The following TMC1 variants were observed in gnomAD, a reference collection of about 807,000 sequenced individuals.
TMC1 encodes transmembrane channel-like protein 1.
In TMC1, 84 loss-of-function variants were observed where a neutral mutation model predicts 105.8. The observed-to-expected ratio is 0.79, with a 90% CI of 0.67 to 0.95. The LOEUF (loss-of-function observed/expected upper bound fraction) is 0.95. Ranked by LOEUF, TMC1 falls within the 40% of genes least tolerant of loss-of-function variation. TMC1 has a pLI of 0.00. For missense variants in TMC1, 817 were observed against 914.1 expected (o/e 0.89, Z 1.37); for synonymous variants, 315 against 311.5 (o/e 1.01, Z -0.12).
intron 7 of TMC1, among the ~76,000 whole-genome samples, chr9:72,700,315 A>C (rs1269342869): frequency 6.6e-6 from 1 of 152,010 alleles, no homozygotes; most frequent in African/African-American, 2.4e-5. Context: ...CAGGAAGGCA[A>C]ACACTACTGC....
intron 2 of TMC1, among the ~76,000 whole-genome samples, chr9:72,601,677 C>A (rs935685749): frequency 1.8e-4 from 27 of 151,866 alleles, no homozygotes; most frequent in Admixed American, 9.8e-4. Flanking sequence ...ACCAAAAAAA[C>A]CAAAACAAAA....
At position 72,826,823 on chromosome 9, in the gene TMC1, C is replaced by T. The variant is rs141086229; in HGVS notation, c.2004-46C>T. The T allele has an allele frequency of 1.2e-3, 1,850 of 1,605,582 alleles. 33 individuals are homozygous for T. In the East Asian group the frequency reaches 0.037, roughly 33 times the overall value. ...TTTTCTTGCTTTAACCATGGTTTTT[C>T]CATATGTTCTTAATAAACTTATCTC... On this transcript the variant is annotated intron_variant, in intron 20 of 23. Transcript: ENST00000297784.
At chr9:72,694,829 A>G (rs1826522398) in intron 7 of TMC1, 115 bp downstream of exon 7, 5 of 947,608 alleles carry the variant, frequency 5.3e-6, no homozygotes, top group Non-Finnish European at 8.1e-6. Flanking sequence ...AGAGAGCCTT[A>G]ATCTGATGAT....
At chr9:72,628,373 C>T (rs1234689215) in intron 4 of TMC1, 2 of 200,552 alleles carry the variant, frequency 1.0e-5, no homozygotes, top group Non-Finnish European at 2.1e-5. Context: ...TTCCTGTGTT[C>T]ATCTGGTTGG....
At chr9:72,821,152 T>A in intron 20 of TMC1, 71 bp downstream of exon 20, 2 of 1,604,650 alleles carry the variant, frequency 1.2e-6, no homozygotes, top group Non-Finnish European at 1.7e-6. Context: ...GGTCATTCAT[T>A]GTATAAGCTA....
chr9:72,709,079 A>G (rs1235015032), intron 8 of TMC1, among the ~76,000 whole-genome samples: 3 of 152,028 alleles, frequency 2.0e-5, no homozygotes, highest in African/African-American at 7.2e-5. Context: ...ACCCCCATGC[A>G]GAGGGAGGGG....
At chr9:72,682,321 C>T (rs931249895) in intron 5 of TMC1, among the ~76,000 whole-genome samples, 2 of 152,156 alleles carry the variant, frequency 1.3e-5, no homozygotes, top group African/African-American at 2.4e-5. Flanking sequence ...ATCTTATCCC[C>T]AGATACTTTG....
chr9:72,700,666 T>C (rs1246221956), intron 8 of TMC1, 23 bp downstream of exon 8: 5 of 1,546,534 alleles, frequency 3.2e-6, no homozygotes, highest in African/African-American at 2.8e-5. Flanking sequence ...TTTTTATAAG[T>C]AGAAACACTT....
At chr9:72,773,599 A>G (rs912611366) in intron 13 of TMC1, among the ~76,000 whole-genome samples, 4 of 152,200 alleles carry the variant, frequency 2.6e-5, no homozygotes, top group Non-Finnish European at 5.9e-5. Context: ...GAGACTGTCC[A>G]TCAGATAAAC....
At chr9:72,530,390 G>C (rs1823479036) in intron 1 of TMC1, among the ~76,000 whole-genome samples, 1 of 151,864 alleles carries the variant, frequency 6.6e-6, no homozygotes, top group Non-Finnish European at 1.5e-5. Flanking sequence ...TGCCCAGGCT[G>C]GTCTCAAACT....
At chr9:72,610,603 A>T (rs547085358) in intron 2 of TMC1, among the ~76,000 whole-genome samples, 1 of 152,318 alleles carries the variant, frequency 6.6e-6, no homozygotes, top group East Asian at 1.9e-4. Context: ...AACAGATTGG[A>T]TGAGGCCCAC....
chr9:72,561,913 C>T (rs1366147078), intron 1 of TMC1, among the ~76,000 whole-genome samples: 3 of 151,676 alleles, frequency 2.0e-5, no homozygotes, highest in Non-Finnish European at 4.4e-5. Context: ...GAAGCTGAGG[C>T]GGGAGGATCG....
intron 2 of TMC1, among the ~76,000 whole-genome samples, chr9:72,604,145 A>G (rs1400415551): frequency 1.3e-5 from 2 of 152,198 alleles, no homozygotes; most frequent in Non-Finnish European, 2.9e-5. Flanking sequence ...ACTTGGTGAT[A>G]AAATTTCCTG....
intron 4 of TMC1, among the ~76,000 whole-genome samples, chr9:72,646,546 T>C (rs551816020): frequency 3.9e-5 from 6 of 152,182 alleles, no homozygotes; most frequent in Non-Finnish European, 8.8e-5. Context: ...GTTTATGGGC[T>C]ATATTTTCCC....
At chr9:72,740,341 A>T in intron 9 of TMC1, 132 bp downstream of exon 9, 6 of 675,254 alleles carry the variant, frequency 8.9e-6, no homozygotes, top group Non-Finnish European at 1.3e-5. Context: ...GTATATACAC[A>T]GTATATCTGT....
At chr9:72,656,824 G>A (rs1825892448) in intron 5 of TMC1, among the ~76,000 whole-genome samples, 1 of 152,130 alleles carries the variant, frequency 6.6e-6, no homozygotes, top group Non-Finnish European at 1.5e-5. Context: ...CTTGGAATTA[G>A]CTGGATGCTT....
intron 8 of TMC1, among the ~76,000 whole-genome samples, chr9:72,713,788 G>C (rs1471694045): frequency 6.7e-6 from 1 of 150,242 alleles, no homozygotes; most frequent in Non-Finnish European, 1.5e-5. Context: ...TCTGCTCTTA[G>C]TTACTTCTTG....
At chr9:72,799,350 G>A (rs1347590256) in intron 17 of TMC1, among the ~76,000 whole-genome samples, 2 of 151,822 alleles carry the variant, frequency 1.3e-5, no homozygotes, top group Non-Finnish European at 2.9e-5. Flanking sequence ...AAAAATTGAA[G>A]GACTAGCATT....
intron 13 of TMC1, among the ~76,000 whole-genome samples, chr9:72,776,899 G>T (rs1405493230): frequency 6.6e-6 from 1 of 151,722 alleles, no homozygotes; most frequent in Non-Finnish European, 1.5e-5. Context: ...TCTCGTCCTG[G>T]GTAGCCTTTT....
Sources: gnomAD v4.1 joint callset for allele counts (sites outside exome capture counted in the v4.1 genomes callset) on GRCh38, gnomAD v4.1.1 for gene constraint, MANE v1.5 for transcripts, NCBI Gene and HGNC (gene_info 2026-07-23, HGNC 2026-07-21) for gene names.